ZNF283: variants seen among roughly 807,000 people sequenced by gnomAD.
ZNF283 encodes the protein zinc finger protein 283, also known as zinc finger protein 41.
A neutral mutation model predicts 9.2 loss-of-function variants in ZNF283; 10 were observed. The ratio of observed to expected loss-of-function variants is 1.09; its 90% CI spans 0.67 to 1.85. The LOEUF (loss-of-function observed/expected upper bound fraction) is 1.85, where lower values mean the gene tolerates loss of function less well. Among genes scored for constraint, ZNF283 ranks in the 40% most tolerant of loss-of-function variants. The pLI is 0.00. For missense variants in ZNF283, 631 were observed against 760.1 expected, an observed-to-expected ratio of 0.83 and a Z score of 2.00; for synonymous variants, 234 against 244.1, an observed-to-expected ratio of 0.96 and a Z score of 0.38.
At chr19:43,835,960 C>T (rs971641642) in intron 5 of ZNF283, among the ~76,000 whole-genome samples, 4 of 152,142 alleles carry the variant, frequency 2.6e-5, no homozygotes, top group African/African-American at 7.2e-5. Context: ...TGTGCAATAT[C>T]CTATATCAGT....
chr19:43,829,212 C>G (rs547507766), intron 2 of ZNF283, among the ~76,000 whole-genome samples: 2 of 152,062 alleles, frequency 1.3e-5, no homozygotes, highest in East Asian at 1.9e-4. Flanking sequence ...GGTGAAACCC[C>G]GTCTCCACTA....
At chr19:43,842,144 C>T (rs1568420561) in intron 6 of ZNF283, among the ~76,000 whole-genome samples, 1 of 152,172 alleles carries the variant, frequency 6.6e-6, no homozygotes, top group Non-Finnish European at 1.5e-5. Flanking sequence ...TATGGTGCCA[C>T]CAGTCACGGA....
intron 6 of ZNF283, among the ~76,000 whole-genome samples, chr19:43,845,654 A>G (rs1971373351): frequency 6.6e-6 from 1 of 152,180 alleles, no homozygotes; most frequent in Non-Finnish European, 1.5e-5. Context: ...AAAATTATGC[A>G]GATTTATTTT....
At chr19:43,835,808 C>T (rs349036) in intron 5 of ZNF283, among the ~76,000 whole-genome samples, 130,512 of 152,068 alleles carry the variant, frequency 0.86, 56,600 homozygotes, top group African/African-American at 0.94. Context: ...AGTGGTTCTT[C>T]CCAGGAATTT....
chr19:43,843,249 G>A (rs577874001), intron 6 of ZNF283, among the ~76,000 whole-genome samples: 1 of 152,204 alleles, frequency 6.6e-6, no homozygotes, highest in Non-Finnish European at 1.5e-5. Flanking sequence ...GCTGAGGCAG[G>A]AGAATCGCTT....
rs1265788696 is a variant in ZNF283, at chr19:43,842,096, C to T, written c.338-4843C>T. Among the ~76,000 whole-genome samples the T allele has an allele frequency of 2.6e-5, 4 of 152,212 alleles. No homozygotes were observed. The East Asian group carries it at 7.7e-4, about 29-fold the overall frequency. ...TTCTGCTTCTTTAGTACTTTTCCTC[C>T]TCCTAAGACTCCAATTATATGTGTG... On this transcript the variant is annotated intron_variant, in intron 6 of 6. Transcript: ENST00000618787.
chr19:43,837,518 T>C, intron 6 of ZNF283: 1 of 366,762 alleles, frequency 2.7e-6, no homozygotes, highest in Non-Finnish European at 4.8e-6. Context: ...GAATATCTAC[T>C]CCTGGCCAGC....
chr19:43,837,327 A>C, intron 6 of ZNF283, 148 bp downstream of exon 6: 1 of 801,292 alleles, frequency 1.2e-6, no homozygotes, highest in Non-Finnish European at 1.8e-6. Flanking sequence ...CTGGGTTAGA[A>C]ATGGGTTTGT....
intron 2 of ZNF283, among the ~76,000 whole-genome samples, chr19:43,830,374 A>T (rs1268447555): frequency 1.3e-5 from 2 of 151,948 alleles, no homozygotes; most frequent in Non-Finnish European, 2.9e-5. Context: ...CACTGTGCCC[A>T]GCCTTACGAC....
At chr19:43,828,370 G>C (rs2146523657) in intron 2 of ZNF283, 89 bp downstream of exon 2, 1 of 152,262 alleles carries the variant, frequency 6.6e-6, no homozygotes, top group Middle Eastern at 3.4e-3. Context: ...TCCTTGGCCT[G>C]AAATATCTTG....
At chr19:43,842,409 T>C (rs1971248325) in intron 6 of ZNF283, among the ~76,000 whole-genome samples, 1 of 152,230 alleles carries the variant, frequency 6.6e-6, no homozygotes. Flanking sequence ...CAATTTCTCA[T>C]TGTATACTGG....
chr19:43,845,842 T>C (rs1017790468), intron 6 of ZNF283, among the ~76,000 whole-genome samples: 1 of 152,158 alleles, frequency 6.6e-6, no homozygotes, highest in Admixed American at 6.5e-5. Flanking sequence ...CCTGCTAATA[T>C]TGTCAATATA....
At chr19:43,840,095 T>G (rs1020146142) in intron 6 of ZNF283, among the ~76,000 whole-genome samples, 1 of 152,190 alleles carries the variant, frequency 6.6e-6, no homozygotes, top group African/African-American at 2.4e-5. Context: ...GCTGGAGCTG[T>G]CAGATTTTTT....
intron 6 of ZNF283, among the ~76,000 whole-genome samples, chr19:43,843,068 C>T (rs896742896): frequency 6.6e-6 from 1 of 152,174 alleles, no homozygotes; most frequent in African/African-American, 2.4e-5. Flanking sequence ...AAAGGCCAGG[C>T]TCTGTGGCTG....
At chr19:43,829,157 A>G (rs1327641746) in intron 2 of ZNF283, among the ~76,000 whole-genome samples, 1 of 151,930 alleles carries the variant, frequency 6.6e-6, no homozygotes, top group African/African-American at 2.4e-5. Flanking sequence ...AGGCTGAGGG[A>G]GGTGGATCAT....
In ZNF283 at chr19:43,831,932, T is replaced by C. The variant is rs546822611; in HGVS notation, c.-1+551T>C. Among the ~76,000 whole-genome samples, 15 of 152,226 alleles carry C rather than the reference T, an allele frequency of 9.9e-5. No homozygotes were observed. In the East Asian group the frequency reaches 1.7e-3, roughly 18 times the overall value. On this transcript the variant is annotated intron_variant, in intron 3 of 6. Coordinates refer to ENST00000618787, the MANE Select transcript of ZNF283 (RefSeq NM_181845.2). ...GCGTGAGCCACCACACCCAGCACTT[T>C]GGAATATTTTTATTTAAATCCTTTT...
chr19:43,839,126 G>T (rs7253606), intron 6 of ZNF283, among the ~76,000 whole-genome samples: 55,664 of 151,964 alleles, frequency 0.37, 10,605 homozygotes, highest in South Asian at 0.55. Flanking sequence ...TTCTAGAGTA[G>T]GTCTACTGGT....
rs1970694546 is a variant in ZNF283, at chr19:43,831,215, C to T, written c.-64-103C>T. The T allele has an allele frequency of 1.8e-5, 12 of 674,718 alleles. No individual in the cohort carries two copies. In the South Asian group the frequency reaches 2.2e-4, roughly 12 times the overall value. The allele number at this position is 674,718 out of a possible 1,614,324, so 41.8% of individuals were successfully genotyped here. On this transcript the variant is annotated intron_variant, in intron 2 of 6. Coordinates refer to ENST00000618787, the MANE Select transcript of ZNF283 (RefSeq NM_181845.2). ...GAAGAAGTGGAAAGGTGCAGCCGTA[C>T]TTACAGAGTATCTACTCTATACCAA...
At chr19:43,832,425 T>A (rs1301341545) in intron 3 of ZNF283, among the ~76,000 whole-genome samples, 2 of 152,224 alleles carry the variant, frequency 1.3e-5, no homozygotes, top group Non-Finnish European at 2.9e-5. Context: ...TTGGTTAAGT[T>A]CTCAGCTTTA....
Sources: gnomAD v4.1 joint callset for allele counts (sites outside exome capture counted in the v4.1 genomes callset) on GRCh38, gnomAD v4.1.1 for gene constraint, MANE v1.5 for transcripts, NCBI Gene and HGNC (gene_info 2026-07-23, HGNC 2026-07-21) for gene names.